The following ECT2 variants were observed in gnomAD, a reference collection of about 807,000 sequenced individuals.
ECT2 encodes protein ECT2.
In ECT2, 61 loss-of-function variants were observed where a neutral mutation model predicts 116.9. That is an observed-to-expected ratio of 0.52 (90% CI 0.42 to 0.65). The LOEUF (loss-of-function observed/expected upper bound fraction) is 0.65, where lower values mean the gene tolerates loss of function less well. Among genes scored for constraint, ECT2 ranks in the 30% least tolerant of loss-of-function variants. The pLI, the probability that ECT2 is intolerant of heterozygous loss-of-function variation, is 0.00. For missense variants in ECT2, 937 were observed against 1,078.7 expected (o/e 0.87, Z 1.84); for synonymous variants, 358 against 346.4 (o/e 1.03, Z -0.37).
At chr3:172,803,014 A>C in intron 20 of ECT2, 34 bp downstream of exon 20, 1 of 1,544,390 alleles carries the variant, frequency 6.5e-7, no homozygotes, top group Non-Finnish European at 8.7e-7. Flanking sequence ...TAATAACACT[A>C]CTGATTTTTG....
intron 1 of ECT2, among the ~76,000 whole-genome samples, chr3:172,753,339 C>A (rs1716311865): frequency 6.6e-6 from 1 of 152,304 alleles, no homozygotes; most frequent in East Asian, 1.9e-4. Context: ...CTCAAGTGAT[C>A]CTCCTGCCTT....
At chr3:172,786,703 G>A (rs971847772) in intron 18 of ECT2, 129 bp downstream of exon 18, 11 of 612,640 alleles carry the variant, frequency 1.8e-5, no homozygotes, top group South Asian at 4.5e-5. Context: ...TTTTCTAATA[G>A]TGTAGTTACA....
intron 21 of ECT2, among the ~76,000 whole-genome samples, chr3:172,806,868 C>T (rs571616915): frequency 6.6e-6 from 1 of 151,962 alleles, no homozygotes; most frequent in Non-Finnish European, 1.5e-5. Context: ...GTCTTGAACT[C>T]CTGACCTCAA....
At chr3:172,773,124 G>A (rs1186584143) in intron 13 of ECT2, among the ~76,000 whole-genome samples, 2 of 152,132 alleles carry the variant, frequency 1.3e-5, no homozygotes, top group Admixed American at 6.5e-5. Context: ...CAATTTGAGG[G>A]AGAATTGACA....
intron 18 of ECT2, among the ~76,000 whole-genome samples, chr3:172,794,145 A>G (rs1410621541): frequency 6.6e-6 from 1 of 152,032 alleles, no homozygotes; most frequent in African/African-American, 2.4e-5. Context: ...GTGATTTTAT[A>G]GTTTTATCTA....
At position 172,802,848 on chromosome 3, in the gene ECT2, T is replaced by C. The variant is rs1040784788; in HGVS notation, c.1987-13T>C. The C allele has an allele frequency of 1.3e-6, 2 of 1,598,514 alleles. No individual in the cohort carries two copies. Among genetic ancestry groups the C allele is most frequent in the Non-Finnish European group, 1.7e-6 (2 of 1,175,686 alleles). On this transcript the variant is annotated splice_polypyrimidine_tract_variant and intron_variant, in intron 19 of 24. Coordinates refer to ENST00000392692, the MANE Select transcript of ECT2 (RefSeq NM_001258315.2). ...CCAAGTGATCTCTTTTGTTATATTT[T>C]CAACCTATACAGGCTAATCTTTTAT...
At position 172,783,869 on chromosome 3, in the gene ECT2, A is replaced by T; in HGVS notation, c.1688A>T (p.Lys563Ile). 6.2e-7 allele frequency: 1 copy of T among 1,606,496 alleles called. No individual in the cohort carries two copies. Among genetic ancestry groups the T allele is most frequent in the Non-Finnish European group, 8.5e-7 (1 of 1,176,714 alleles). ...GAAATGAGCAAGGAAACAATTATTA[A>T]ATGTGAAAAACAGAAACCAAGATTT... ...FFEMSKETIIKCEKQKPRFHA... is the reference protein window; with the variant it reads ...FFEMSKETIIICEKQKPRFHA... The change falls in exon 16 of 25, where the codon AAA becomes ATA. Residue 563 changes from lysine (K) to isoleucine (I), a missense_variant. Lys to Ile is a moderately radical substitution (Grantham distance 102). Coordinates refer to ENST00000392692, the MANE Select transcript of ECT2 (RefSeq NM_001258315.2).
At chr3:172,820,095 C>T in intron 24 of ECT2, 53 bp from the exon 25 acceptor site, 1 of 1,426,462 alleles carries the variant, frequency 7.0e-7, no homozygotes, top group African/African-American at 1.4e-5. Context: ...CTGTATTTTA[C>T]AATTTTTTTA....
intron 23 of ECT2, among the ~76,000 whole-genome samples, chr3:172,816,269 T>G (rs1054657898): frequency 6.6e-6 from 1 of 152,138 alleles, no homozygotes; most frequent in African/African-American, 2.4e-5. Flanking sequence ...GTGGGGGGGC[T>G]TTGTATTTTA....
At chr3:172,801,549 A>C (rs1726726352) in intron 18 of ECT2, among the ~76,000 whole-genome samples, 1 of 152,202 alleles carries the variant, frequency 6.6e-6, no homozygotes, top group African/African-American at 2.4e-5. Context: ...AGAACTGTGT[A>C]CATAAGGAAG....
rs1723279834 is a variant in ECT2, at chr3:172,784,565, A to C, written c.1729-142A>C. 15 of 610,334 alleles carry C rather than the reference A, an allele frequency of 2.5e-5. No individual in the cohort carries two copies. In the South Asian group the frequency reaches 3.4e-4, roughly 14 times the overall value. 37.8% of individuals were successfully genotyped at this position (610,334 alleles called of 1,614,324 possible). Reference sequence around the variant, plus strand: ...CAGGCCCTGAAAAATTATTCAGCCAAGTAATCAGCCACGGAGAAATTCCAC... The same window carrying C: ...CAGGCCCTGAAAAATTATTCAGCCACGTAATCAGCCACGGAGAAATTCCAC... On this transcript the variant is annotated intron_variant, in intron 16 of 24. Transcript: ENST00000392692.
intron 18 of ECT2, chr3:172,796,536 C>T (rs1169395968): frequency 1.3e-5 from 2 of 152,158 alleles, no homozygotes; most frequent in Middle Eastern, 3.4e-3. Flanking sequence ...TCATTGGCTA[C>T]GATACTGCCA....
chr3:172,810,684 G>T (rs938177528), intron 22 of ECT2, among the ~76,000 whole-genome samples: 1 of 152,116 alleles, frequency 6.6e-6, no homozygotes, highest in Non-Finnish European at 1.5e-5. Flanking sequence ...GAAGACTAGG[G>T]TAAGAGGAGA....
At chr3:172,791,160 A>G (rs772580670) in intron 18 of ECT2, among the ~76,000 whole-genome samples, 1 of 152,194 alleles carries the variant, frequency 6.6e-6, no homozygotes, top group Non-Finnish European at 1.5e-5. Flanking sequence ...GTCTCAAGAA[A>G]AAAATTAGTA....
chr3:172,803,875 G>A (rs1727181620), intron 20 of ECT2, among the ~76,000 whole-genome samples: 1 of 151,166 alleles, frequency 6.6e-6, no homozygotes, highest in Admixed American at 6.6e-5. Context: ...CAAGATCACA[G>A]CTCACTGCAG....
At chr3:172,823,488 C>T (rs1253903064), downstream of ECT2, among the ~76,000 whole-genome samples, 1 of 152,088 alleles carries the variant, frequency 6.6e-6, no homozygotes, top group Non-Finnish European at 1.5e-5. Flanking sequence ...GGTAAATGTA[C>T]TCTTACGTAT....
intron 22 of ECT2, 35 bp from the exon 23 acceptor site, chr3:172,815,569 T>TG: frequency 9.7e-6 from 13 of 1,339,840 alleles, no homozygotes; most frequent in Non-Finnish European, 1.3e-5. Context: ...CAGTTGTGTG[T>TG]TTTTAAGATA....
At chr3:172,788,088 T>C (rs1354725509) in intron 18 of ECT2, among the ~76,000 whole-genome samples, 2 of 152,180 alleles carry the variant, frequency 1.3e-5, no homozygotes, top group African/African-American at 4.8e-5. Flanking sequence ...GATATTTTAA[T>C]GTCGAATTGT....
intron 18 of ECT2, among the ~76,000 whole-genome samples, chr3:172,789,931 C>T (rs1309507243): frequency 6.6e-6 from 1 of 152,170 alleles, no homozygotes; most frequent in East Asian, 1.9e-4. Context: ...CAAAGTCATC[C>T]ATAAGGATTG....
Sources: allele counts gnomAD v4.1 joint callset (sites outside exome capture counted in the v4.1 genomes callset), GRCh38; gene constraint gnomAD v4.1.1; transcripts MANE v1.5; gene names NCBI Gene and HGNC (gene_info 2026-07-23, HGNC 2026-07-21).